The following TLX1 variants were observed in gnomAD, a reference collection of about 807,000 sequenced individuals.
TLX1 encodes the protein T cell leukemia homeobox 1, also known as T-cell leukemia homeobox protein 1.
Under a neutral mutation model 26.5 loss-of-function variants are expected in TLX1, and 6 were observed. The ratio of observed to expected loss-of-function variants is 0.23; its 90% confidence interval spans 0.12 to 0.45. The LOEUF (loss-of-function observed/expected upper bound fraction) is 0.45, where lower values mean the gene tolerates loss of function less well. Among genes scored for constraint, TLX1 ranks in the 20% least tolerant of loss-of-function variants. The probability of loss-of-function intolerance (pLI) is 0.99; values close to 1 mark genes in which losing one functional copy is unlikely to be tolerated. For synonymous variants in TLX1, 217 were observed against 219.7 expected (o/e 0.99, Z 0.11); for missense variants, 418 against 482.6 (o/e 0.87, Z 1.25).
rs765504719 is a variant in TLX1 at position 101,131,949 on chromosome 10, A to G, written c.408A>G (p.Ala136=). 2.4e-5 allele frequency: 35 copies of G among 1,468,590 alleles called. No individual in the cohort carries two copies. In the East Asian group the frequency reaches 9.7e-4, roughly 41 times the overall value. 91.0% of individuals were successfully genotyped at this position (1,468,590 alleles called of 1,614,324 possible). A position where few individuals can be genotyped will look rare whatever the true frequency, so the allele number is the denominator to read the frequency against. The change falls in exon 1 of 3, where the codon GCA becomes GCG. Residue 136 remains alanine, a synonymous_variant. Transcript: ENST00000370196. ...CTGCGGGGGTAATCCGGGTGCCGGC[A>G]CACAGGCCGCTCGCCGGAGCCGTGG... ...LSAAGVIRVP[A]HRPLAGAVAH...
At chr10:101,134,511 T>A in intron 2 of TLX1, 135 bp downstream of exon 2, 3 of 1,033,382 alleles carry the variant, frequency 2.9e-6, no homozygotes, top group Non-Finnish European at 4.1e-6. Flanking sequence ...GAGCTCCCGC[T>A]AGGCTTGCGG....
At chr10:101,134,033 C>T (rs1241710841) in intron 1 of TLX1, 142 bp from the exon 2 acceptor site, 12 of 759,148 alleles carry the variant, frequency 1.6e-5, no homozygotes, top group Admixed American at 5.8e-5. Context: ...CGGCCCTGCT[C>T]GTGGGGGTTC....
At chr10:101,134,515 C>T in intron 2 of TLX1, 139 bp downstream of exon 2, 1 of 1,027,116 alleles carries the variant, frequency 9.7e-7, no homozygotes, top group East Asian at 2.6e-5. Context: ...TCCCGCTAGG[C>T]TTGCGGGGAG....
At chr10:101,136,101 G>A (rs1036853771) in intron 2 of TLX1, among the ~76,000 whole-genome samples, 18 of 152,232 alleles carry the variant, frequency 1.2e-4, no homozygotes, top group African/African-American at 4.1e-4. Flanking sequence ...GGCAGTAAAT[G>A]GAATAAGTGA....
Position 101,131,451 on chromosome 10 carries a change from C to A in TLX1, c.-91C>A. The A allele has an allele frequency of 3.7e-6, 4 of 1,077,494 alleles. No homozygotes were observed. Among genetic ancestry groups the A allele is most frequent in the African/African-American group, 1.7e-5 (1 of 60,314 alleles). The allele number at this position is 1,077,494 out of a possible 1,614,324, so 66.7% of individuals were successfully genotyped here. ...TTCCAAGTCTCCGCGCAGCCAGGAGCCGCTGTTGCCTCCCAGCCCCTGCTA... is the reference window on the plus strand; with the variant it reads ...TTCCAAGTCTCCGCGCAGCCAGGAGACGCTGTTGCCTCCCAGCCCCTGCTA... On this transcript the variant is annotated 5_prime_UTR_variant, in exon 1 of 3. Transcript: ENST00000370196.
In TLX1 at chr10:101,131,503, G is replaced by T; in HGVS notation, c.-39G>T. ...CTGCCCCCCGAGCCGAGCGCAGCGA[G>T]CGCCGCCGCCCGGGCCCCCCGGTGG... On this transcript the variant is annotated 5_prime_UTR_variant, in exon 1 of 3. Transcript: ENST00000370196. 7.2e-7 allele frequency: 1 copy of T among 1,398,008 alleles called. No individual in the cohort carries two copies. The highest frequency in any genetic ancestry group is 9.3e-7 in the Non-Finnish European group (1 of 1,076,916). The allele number at this position is 1,398,008 out of a possible 1,614,324, so 86.6% of individuals were successfully genotyped here. A position where few individuals can be genotyped will look rare whatever the true frequency, so the allele number is the denominator to read the frequency against.
At chr10:101,134,442 G>A (rs1473951208) in intron 2 of TLX1, 66 bp downstream of exon 2, 1 of 1,425,546 alleles carries the variant, frequency 7.0e-7, no homozygotes. Context: ...CGGTTCATTG[G>A]CCTCTCGTGG....
rs1940320910 is a variant in TLX1, at chr10:101,137,487, A to C, written c.*574A>C. On this transcript the variant is annotated 3_prime_UTR_variant, in exon 3 of 3. Transcript: ENST00000370196. ...GGGGTGACACAGACTCATCCTGAAC[A>C]GCATGGCACTCCCTCCAGCACAAAC... 4.2e-6 allele frequency: 1 copy of C among 239,094 alleles called. No individual in the cohort carries two copies. The highest frequency in any genetic ancestry group is 1.7e-4 in the South Asian group (1 of 5,866). 14.8% of individuals were successfully genotyped at this position (239,094 alleles called of 1,614,324 possible). A position where few individuals can be genotyped will look rare whatever the true frequency, so the allele number is the denominator to read the frequency against.
In TLX1 at chr10:101,134,046, C is replaced by G. The variant is rs1007392259; in HGVS notation, c.569-129C>G. 7.0e-6 allele frequency: 6 copies of G among 862,040 alleles called. No homozygotes were observed. The African/African-American group carries it at 8.6e-5, about 12-fold the overall frequency. The allele number at this position is 862,040 out of a possible 1,614,324, so 53.4% of individuals were successfully genotyped here. ...CTCGGCCCTGCTCGTGGGGGTTCAG[C>G]TGCTGCGCTCGCTGACTCGCGGGGT... On this transcript the variant is annotated intron_variant, in intron 1 of 2. Coordinates refer to ENST00000370196, the MANE Select transcript of TLX1 (RefSeq NM_005521.4).
At position 101,132,305 on chromosome 10, in the gene TLX1, C is replaced by T. The variant is rs1940196687; in HGVS notation, c.568+196C>T. 1.3e-5 allele frequency among the ~76,000 whole-genome samples: 2 copies of T among 152,200 alleles called. No homozygotes were observed. Among genetic ancestry groups the T allele is most frequent in the Admixed American group, 1.3e-4 (2 of 15,290 alleles). ...CTTGAAGAGTTCTCTCAGCCTGGAC[C>T]CCTCTCTGTCTCCCGAAGGACCCCT... On this transcript the variant is annotated intron_variant, in intron 1 of 2. Coordinates refer to ENST00000370196, the MANE Select transcript of TLX1 (RefSeq NM_005521.4). The surrounding 1 kb of genome is among the most constrained non-coding windows in gnomAD (Gnocchi z 4.1).
At position 101,132,105 on chromosome 10, in the gene TLX1, C is replaced by A. The variant is rs750844735; in HGVS notation, c.564C>A (p.Phe188Leu). The change falls in exon 1 of 3, where the codon TTC becomes TTA. Residue 188 changes from phenylalanine to leucine, a missense_variant. This residue lies in a region of TLX1 where 322 missense variants were observed against 344.6 expected (regional missense o/e 0.93). Transcript: ENST00000370196. This position sits in a 1 kb window ranked among gnomAD's most constrained non-coding sequence, Gnocchi z 4.1. The stretch of plus-strand genomic sequence containing the variant: ...ACCGCAGATACACAAAGGACAGGTT[C>A]ACAGGTGAGTCCGGCCCGCGCGCTC... ...ESNRRYTKDR[F>L]TGHPYQNRTP... 3 of 1,388,670 alleles carry A rather than the reference C, an allele frequency of 2.2e-6. No homozygotes were observed. The highest frequency in any genetic ancestry group is 1.9e-6 in the Non-Finnish European group (2 of 1,071,184). The allele number at this position is 1,388,670 out of a possible 1,614,324, so 86.0% of individuals were successfully genotyped here. A position where few individuals can be genotyped will look rare whatever the true frequency, so the allele number is the denominator to read the frequency against.
chr10:101,135,024 T>C (rs1397282488), intron 2 of TLX1, among the ~76,000 whole-genome samples: 1 of 152,278 alleles, frequency 6.6e-6, no homozygotes, highest in African/African-American at 2.4e-5. Context: ...CCTTCTCCCA[T>C]AGCCACAACT....
In TLX1 at chr10:101,132,081, C is replaced by T. The variant is rs377546639; in HGVS notation, c.540C>T (p.Asn180=). The T allele has an allele frequency of 7.0e-7, 1 of 1,437,918 alleles. No homozygotes were observed. 89.1% of individuals were successfully genotyped at this position (1,437,918 alleles called of 1,614,324 possible). ...TCACCTTCCCCTGGATGGAGAGTAA[C>T]CGCAGATACACAAAGGACAGGTTCA... ...TGLTFPWMES[N]RRYTKDRFTG... is the part of the protein sequence containing the mutation. Residue 180 remains asparagine, a synonymous_variant, in exon 1 of 3, where the codon AAC becomes AAT. Transcript: ENST00000370196. The surrounding 1 kb of genome is among the most constrained non-coding windows in gnomAD (Gnocchi z 4.1).
intron 2 of TLX1, 33 bp from the exon 3 acceptor site, chr10:101,136,658 C>T: frequency 6.2e-7 from 1 of 1,612,796 alleles, no homozygotes. Flanking sequence ...TGGGTCGGTG[C>T]TCCTGGCAGG....
chr10:101,135,293 G>A (rs1940271756), intron 2 of TLX1: 1 of 153,376 alleles, frequency 6.5e-6, no homozygotes, highest in South Asian at 2.1e-4. Context: ...CGGCGGCGCC[G>A]AGACGGGCGG....
chr10:101,137,038 G>A lies in TLX1; in HGVS notation c.*125G>A, dbSNP rs895231485. 6 of 1,200,892 alleles carry A rather than the reference G, an allele frequency of 5.0e-6. No homozygotes were observed. The highest frequency in any genetic ancestry group is 6.9e-6 in the Non-Finnish European group (6 of 875,490). 74.4% of individuals were successfully genotyped at this position (1,200,892 alleles called of 1,614,324 possible). On this transcript the variant is annotated 3_prime_UTR_variant, in exon 3 of 3. Coordinates refer to ENST00000370196, the MANE Select transcript of TLX1 (RefSeq NM_005521.4). Reference sequence around the variant, plus strand: ...CAGGAGGGGAACACTGCCCTCGCACGGCCCCGAAGGGCCCCCACATTTGTG... The same window carrying A: ...CAGGAGGGGAACACTGCCCTCGCACAGCCCCGAAGGGCCCCCACATTTGTG...
chr10:101,132,631 C>A lies in TLX1; in HGVS notation c.568+522C>A, dbSNP rs57325541. ...CTGCGGGGCCAGTGGGGGCTCTGAG[C>A]CCCGGTAAATCAGCAGAACCAGTGG... On this transcript the variant is annotated intron_variant, in intron 1 of 2. Coordinates refer to ENST00000370196, the MANE Select transcript of TLX1 (RefSeq NM_005521.4). This position sits in a 1 kb window ranked among gnomAD's most constrained non-coding sequence, Gnocchi z 4.1. Among the ~76,000 whole-genome samples, 1 of 107,104 alleles carries A rather than the reference C, an allele frequency of 9.3e-6. No homozygotes were observed. The highest frequency in any genetic ancestry group is 4.1e-4 in the South Asian group (1 of 2,430). 70.3% of individuals were successfully genotyped at this position (107,104 alleles called of 152,430 possible).
Position 101,131,820 on chromosome 10 carries a change from CAT to C in TLX1, c.280_281del (p.Met94GlyfsTer86). On this transcript the variant is annotated frameshift_variant, in exon 1 of 3. Coordinates refer to ENST00000370196, the MANE Select transcript of TLX1 (RefSeq NM_005521.4). LOFTEE classifies it high-confidence loss of function. Reference sequence around the variant, plus strand: ...CGGCAGGCGGCGGCGGCGCCTGCAGCATGGGTCCTCTGACCGGCTCCTACAAC... The same window carrying C: ...CGGCAGGCGGCGGCGGCGCCTGCAGCGGGTCCTCTGACCGGCTCCTACAAC... ...GPAGGGGACS[M>X]GPLTGSYNVN... The C allele has an allele frequency of 7.1e-7, 1 of 1,400,872 alleles. No individual in the cohort carries two copies. Among genetic ancestry groups the C allele is most frequent in the South Asian group, 1.6e-5 (1 of 61,334 alleles). The allele number at this position is 1,400,872 out of a possible 1,614,324, so 86.8% of individuals were successfully genotyped here. A position where few individuals can be genotyped will look rare whatever the true frequency, so the allele number is the denominator to read the frequency against.
Position 101,131,993 on chromosome 10 carries a change from C to T in TLX1, c.452C>T (p.Ala151Val), listed in dbSNP as rs1940187208. The T allele has an allele frequency of 6.6e-7, 1 of 1,525,002 alleles. No homozygotes were observed. The allele number at this position is 1,525,002 out of a possible 1,614,324, so 94.5% of individuals were successfully genotyped here. Residue 151 changes from alanine to valine, a missense_variant, in exon 1 of 3, where the codon GCC becomes GTC. Ala to Val is a moderately conservative substitution (Grantham distance 64). This residue lies in a region of TLX1 where 322 missense variants were observed against 344.6 expected (regional missense o/e 0.93). Transcript: ENST00000370196. The stretch of plus-strand genomic sequence containing the variant: ...GCCGTGGCCCACCCCCAGCCCCTGG[C>T]CACCGGCTTGCCCACCGTGCCCTCT... ...AGAVAHPQPL[A>V]TGLPTVPSVP...
Sources: gnomAD v4.1 joint callset for allele counts (sites outside exome capture counted in the v4.1 genomes callset) on GRCh38, gnomAD v4.1.1 for gene constraint, gnomAD v4.1.1 regional missense constraint, Gnocchi (gnomAD v3.1) non-coding constraint, MANE v1.5 for transcripts, NCBI Gene and HGNC (gene_info 2026-07-23, HGNC 2026-07-21) for gene names.